MTREX: variants seen among roughly 807,000 people sequenced by gnomAD.
The protein encoded by MTREX is exosome RNA helicase MTR4.
A neutral mutation model predicts 135.4 loss-of-function variants in MTREX; 76 were observed. That is an observed-to-expected ratio of 0.56 (90% CI 0.47 to 0.68). The LOEUF (loss-of-function observed/expected upper bound fraction) is 0.68. Among genes scored for constraint, MTREX ranks in the 30% least tolerant of loss-of-function variants. The probability of loss-of-function intolerance (pLI) is 0.00; values close to 1 mark genes in which losing one functional copy is unlikely to be tolerated. For missense variants in MTREX, 920 were observed against 1,262.1 expected, an observed-to-expected ratio of 0.73 and a Z score of 4.11; for synonymous variants, 404 against 401.6, an observed-to-expected ratio of 1.01 and a Z score of -0.07.
At chr5:55,327,908 A>G in intron 4 of MTREX, 130 bp downstream of exon 4, 1 of 607,100 alleles carries the variant, frequency 1.6e-6, no homozygotes, top group Non-Finnish European at 2.9e-6. Context: ...AGCCAACTAA[A>G]GACAAATATA....
chr5:55,355,678 A>G (rs919609335), intron 14 of MTREX, among the ~76,000 whole-genome samples: 13 of 152,214 alleles, frequency 8.5e-5, no homozygotes, highest in African/African-American at 3.1e-4. Flanking sequence ...GGGCCAGGAG[A>G]TGTCTTTGTG....
chr5:55,360,866 A>G (rs947191201), intron 15 of MTREX, among the ~76,000 whole-genome samples: 11 of 152,336 alleles, frequency 7.2e-5, no homozygotes, highest in African/African-American at 2.4e-4. Context: ...TGAATATTCA[A>G]TATGTTCCAA....
chr5:55,401,357 G>GTGGATATGCCATATTTTGTTTACCCA (rs1750721189), intron 21 of MTREX, among the ~76,000 whole-genome samples: 1 of 152,186 alleles, frequency 6.6e-6, no homozygotes, highest in African/African-American at 2.4e-5. Flanking sequence ...ATTTTGTTAT[G>GTGGATATGCCATATTTTGTTTACCCA]TGGATATGCC....
intron 16 of MTREX, among the ~76,000 whole-genome samples, chr5:55,368,337 G>A (rs1334897662): frequency 6.6e-6 from 1 of 152,084 alleles, no homozygotes; most frequent in Non-Finnish European, 1.5e-5. Context: ...TGTAATCCCA[G>A]CTACTTGGGA....
intron 10 of MTREX, 146 bp downstream of exon 10, chr5:55,345,342 T>C (rs1212573689): frequency 4.7e-6 from 3 of 637,610 alleles, no homozygotes; most frequent in Non-Finnish European, 8.4e-6. Context: ...TTTATCTTTT[T>C]TGTATGACAT....
At chr5:55,323,657 T>G (rs796717178) in intron 2 of MTREX, among the ~76,000 whole-genome samples, 8 of 152,286 alleles carry the variant, frequency 5.3e-5, no homozygotes, top group African/African-American at 1.9e-4. Context: ...TGGGCTCAAG[T>G]GATCCACCCA....
chr5:55,315,543 AACAACAACAACAAAAACC>A lies in MTREX; in HGVS notation c.135-6783_135-6766del, dbSNP rs1400905612. ...ATTATATATATTTTTCGAGACAGAC[AACAACAACAACAAAAACC>A]CATATTCCATTGCGGCATAGAGCAA... On this transcript the variant is annotated intron_variant, in intron 1 of 26. Coordinates refer to ENST00000230640, the MANE Select transcript of MTREX (RefSeq NM_015360.5). Among the ~76,000 whole-genome samples, 45 of 146,250 alleles carry A rather than the reference AACAACAACAACAAAAACC, an allele frequency of 3.1e-4. 1 individual carries two copies. The highest frequency in any genetic ancestry group is 1.4e-4 in the Non-Finnish European group (9 of 64,924).
intron 5 of MTREX, among the ~76,000 whole-genome samples, chr5:55,334,888 G>C (rs1016685196): frequency 5.9e-5 from 9 of 151,972 alleles, no homozygotes; most frequent in Admixed American, 1.3e-4. Flanking sequence ...TGTATTTTAT[G>C]GCAAATATGT....
intron 26 of MTREX, 190 bp downstream of exon 26, chr5:55,423,172 TTTACGTATA>T (rs1177309297): frequency 7.0e-6 from 4 of 574,154 alleles, no homozygotes; most frequent in Non-Finnish European, 9.2e-6. Context: ...TATACATGCA[TTTACGTATA>T]TTAATTGTAC....
At chr5:55,402,834 GTGTGTGTATGTGTATGTA>G (rs1328058066) in intron 21 of MTREX, among the ~76,000 whole-genome samples, 4 of 93,902 alleles carry the variant, frequency 4.3e-5, no homozygotes, top group African/African-American at 1.2e-4. Context: ...GTGTGTGTGT[GTGTGTGTATGTGTATGTA>G]TGTGTGTGTG....
chr5:55,388,522 T>A (rs7719928), intron 19 of MTREX, among the ~76,000 whole-genome samples: 39,378 of 151,950 alleles, frequency 0.26, 5,352 homozygotes, highest in African/African-American at 0.32. Context: ...TTTACAGTAG[T>A]GCAAAAGTAA....
In MTREX at chr5:55,360,530, C is replaced by G. The variant is rs756361290; in HGVS notation, c.1659+1832C>G. 1.1e-4 allele frequency among the ~76,000 whole-genome samples: 16 copies of G among 151,978 alleles called. 1 individual carries two copies. The highest frequency in any genetic ancestry group is 1.6e-4 in the Non-Finnish European group (11 of 67,996). Reference sequence around the variant, plus strand: ...TGTAACCTTTTGAGGAACTGCCAGACTGTTTTCTTTAGTAGTTGCACCGTT... The same window carrying G: ...TGTAACCTTTTGAGGAACTGCCAGAGTGTTTTCTTTAGTAGTTGCACCGTT... On this transcript the variant is annotated intron_variant, in intron 15 of 26. Transcript: ENST00000230640.
intron 16 of MTREX, among the ~76,000 whole-genome samples, chr5:55,376,366 G>C (rs1750300808): frequency 6.6e-6 from 1 of 152,194 alleles, no homozygotes; most frequent in Non-Finnish European, 1.5e-5. Flanking sequence ...CCAAATAACA[G>C]ACTGTCTTAA....
At chr5:55,347,254 A>G in intron 11 of MTREX, 110 bp downstream of exon 11, 2 of 1,104,464 alleles carry the variant, frequency 1.8e-6, no homozygotes, top group Non-Finnish European at 1.3e-6. Context: ...CATTCACCTT[A>G]CAGTTACAGC....
rs181087947 is a variant in MTREX at position 55,406,285 on chromosome 5, G to A, written c.2645+697G>A. 5.3e-5 allele frequency among the ~76,000 whole-genome samples: 8 copies of A among 152,284 alleles called. No individual in the cohort carries two copies. In the East Asian group the frequency reaches 9.6e-4, roughly 18 times the overall value. Reference sequence around the variant, plus strand: ...TCTGGCTCTGTCCCCCAGGATTGCCGTCAGACAGGTGGTTAAGCTGAAACA... The same window carrying A: ...TCTGGCTCTGTCCCCCAGGATTGCCATCAGACAGGTGGTTAAGCTGAAACA... On this transcript the variant is annotated intron_variant, in intron 22 of 26. Coordinates refer to ENST00000230640, the MANE Select transcript of MTREX (RefSeq NM_015360.5).
At chr5:55,410,669 C>G (rs1322778154) in intron 23 of MTREX, 40 bp downstream of exon 23, 1 of 1,227,634 alleles carries the variant, frequency 8.1e-7, no homozygotes, top group South Asian at 1.3e-5. Context: ...TATTAATTCA[C>G]ACATCATGTA....
intron 16 of MTREX, among the ~76,000 whole-genome samples, chr5:55,373,057 A>G (rs1041977445): frequency 6.8e-6 from 1 of 145,990 alleles, no homozygotes; most frequent in Non-Finnish European, 1.5e-5. Context: ...ATTTTTTTTA[A>G]CCTAGTTTTG....
At chr5:55,409,569 C>T (rs1750855382) in intron 22 of MTREX, among the ~76,000 whole-genome samples, 2 of 152,068 alleles carry the variant, frequency 1.3e-5, no homozygotes, top group African/African-American at 4.8e-5. Flanking sequence ...GAAAATGTTT[C>T]ACAATTATGG....
intron 16 of MTREX, among the ~76,000 whole-genome samples, chr5:55,376,851 C>G (rs1247063464): frequency 1.3e-5 from 2 of 151,196 alleles, no homozygotes. Flanking sequence ...AGGTGGATCA[C>G]TTGAGGTCAG....
Sources: gnomAD v4.1 joint callset for allele counts (sites outside exome capture counted in the v4.1 genomes callset) on GRCh38, gnomAD v4.1.1 for gene constraint, MANE v1.5 for transcripts, NCBI Gene and HGNC (gene_info 2026-07-23, HGNC 2026-07-21) for gene names.